SSBP2: variants seen among roughly 807,000 people sequenced by gnomAD.
The protein encoded by SSBP2 is single-stranded DNA-binding protein 2.
A neutral mutation model predicts 61.8 loss-of-function variants in SSBP2; 17 were observed. The ratio of observed to expected loss-of-function variants is 0.28; its 90% CI spans 0.19 to 0.41. SSBP2 has a LOEUF of 0.41. Ranked by LOEUF, SSBP2 falls within the 10% of genes least tolerant of loss-of-function variation. SSBP2 has a pLI of 1.00. For synonymous variants in SSBP2, 139 were observed against 141.3 expected (o/e 0.98, Z 0.12); for missense variants, 310 against 458.7 (o/e 0.68, Z 2.96).
intron 9 of SSBP2, among the ~76,000 whole-genome samples, chr5:81,463,021 C>T (rs1764648633): frequency 6.6e-6 from 1 of 151,720 alleles, no homozygotes; most frequent in Non-Finnish European, 1.5e-5. Flanking sequence ...AATTTAATTG[C>T]ATTAAATTAA....
At chr5:81,469,759 G>A (rs890677046) in intron 8 of SSBP2, among the ~76,000 whole-genome samples, 5 of 151,950 alleles carry the variant, frequency 3.3e-5, no homozygotes, top group Non-Finnish European at 7.4e-5. Context: ...TTTTCATTTA[G>A]TGAATAATCT....
chr5:81,599,464 T>C (rs78955147), intron 4 of SSBP2, among the ~76,000 whole-genome samples: 1,671 of 152,318 alleles, frequency 0.011, 41 homozygotes, highest in African/African-American at 0.038. Context: ...AGCCACAGAA[T>C]TCCTTGCAGC....
intron 1 of SSBP2, among the ~76,000 whole-genome samples, chr5:81,738,013 T>G (rs1472546600): frequency 6.6e-6 from 1 of 152,190 alleles, no homozygotes; most frequent in African/African-American, 2.4e-5. Flanking sequence ...CATCTCTGAT[T>G]TCCTCACACT....
chr5:81,583,160 T>G (rs1774789666), intron 4 of SSBP2, among the ~76,000 whole-genome samples: 1 of 152,082 alleles, frequency 6.6e-6, no homozygotes. Context: ...GAGGCTGCAG[T>G]GAGCTATGAT....
chr5:81,507,230 A>T (rs949986690), intron 5 of SSBP2, among the ~76,000 whole-genome samples: 13 of 152,304 alleles, frequency 8.5e-5, no homozygotes, highest in African/African-American at 3.1e-4. Flanking sequence ...CTGCTGTCAC[A>T]TATTTTCTAC....
chr5:81,438,584 G>A (rs1224219916), intron 14 of SSBP2, among the ~76,000 whole-genome samples: 1 of 151,978 alleles, frequency 6.6e-6, no homozygotes, highest in African/African-American at 2.4e-5. Flanking sequence ...AATACCGAAT[G>A]CATATATGCA....
chr5:81,682,727 C>T (rs73137639), intron 1 of SSBP2, among the ~76,000 whole-genome samples: 8,007 of 152,040 alleles, frequency 0.053, 420 homozygotes, highest in African/African-American at 0.13. Context: ...ATCAAACTGT[C>T]TTTGTTCACA....
intron 4 of SSBP2, among the ~76,000 whole-genome samples, chr5:81,556,200 A>T (rs1191515196): frequency 1.3e-5 from 2 of 152,128 alleles, no homozygotes; most frequent in African/African-American, 4.8e-5. Flanking sequence ...TTATATAGTG[A>T]CCTTTTCCTA....
At chr5:81,657,278 G>C (rs1298866520) in intron 1 of SSBP2, among the ~76,000 whole-genome samples, 2 of 152,026 alleles carry the variant, frequency 1.3e-5, no homozygotes, top group African/African-American at 4.8e-5. Flanking sequence ...TTATAATAAT[G>C]CCTGGGGCAA....
chr5:81,596,188 C>T (rs1227487849), intron 4 of SSBP2, among the ~76,000 whole-genome samples: 2 of 152,118 alleles, frequency 1.3e-5, no homozygotes, highest in African/African-American at 2.4e-5. Flanking sequence ...TTCTTATACA[C>T]CAGTAACAGA....
chr5:81,699,932 T>C (rs1259677644), intron 1 of SSBP2, among the ~76,000 whole-genome samples: 4 of 151,148 alleles, frequency 2.6e-5, no homozygotes, highest in African/African-American at 9.7e-5. Flanking sequence ...CAGGGTGTGC[T>C]TCAGCCTCAA....
chr5:81,472,039 A>G (rs747624005), intron 8 of SSBP2, among the ~76,000 whole-genome samples: 6 of 152,166 alleles, frequency 3.9e-5, no homozygotes, highest in Admixed American at 6.6e-5. Flanking sequence ...GTAGCACAAC[A>G]AAACATCAAT....
At chr5:81,442,817 CCTCT>C in intron 12 of SSBP2, 94 bp from the exon 13 acceptor site, 1 of 597,616 alleles carries the variant, frequency 1.7e-6, no homozygotes, top group South Asian at 2.7e-5. Context: ...CATACAGATA[CCTCT>C]CTCTATATAA....
intron 1 of SSBP2, among the ~76,000 whole-genome samples, chr5:81,707,200 G>C (rs956655526): frequency 6.6e-6 from 1 of 152,066 alleles, no homozygotes; most frequent in Non-Finnish European, 1.5e-5. Context: ...CTCCAGTAAG[G>C]CTTCATTTAC....
chr5:81,443,604 C>G (rs1271969534), intron 12 of SSBP2, among the ~76,000 whole-genome samples: 1 of 152,078 alleles, frequency 6.6e-6, no homozygotes, highest in Non-Finnish European at 1.5e-5. Context: ...GCTCTATCGC[C>G]CAGGCTGGAG....
chr5:81,737,013 A>C, intron 1 of SSBP2, among the ~76,000 whole-genome samples: 1 of 152,192 alleles, frequency 6.6e-6, no homozygotes, highest in East Asian at 1.9e-4. Context: ...AGTTTTTAAA[A>C]ATCAGTTGAC....
At chr5:81,682,638 G>A (rs532300694) in intron 1 of SSBP2, among the ~76,000 whole-genome samples, 8 of 152,188 alleles carry the variant, frequency 5.3e-5, no homozygotes, top group African/African-American at 1.9e-4. Flanking sequence ...TCTTACCACT[G>A]CTTTTTGGCA....
At chr5:81,744,390 A>C (rs758603137) in intron 1 of SSBP2, among the ~76,000 whole-genome samples, 24 of 152,312 alleles carry the variant, frequency 1.6e-4, no homozygotes, top group Non-Finnish European at 2.9e-4. Flanking sequence ...CACTAAAATA[A>C]ATCATATTAA....
At chr5:81,511,521 G>A (rs1352664439) in intron 5 of SSBP2, among the ~76,000 whole-genome samples, 1 of 152,080 alleles carries the variant, frequency 6.6e-6, no homozygotes, top group Non-Finnish European at 1.5e-5. Flanking sequence ...ACTACCTTCT[G>A]TATGTATTAC....
Sources: gnomAD v4.1 joint callset for allele counts (sites outside exome capture counted in the v4.1 genomes callset) on GRCh38, gnomAD v4.1.1 for gene constraint, MANE v1.5 for transcripts, NCBI Gene and HGNC (gene_info 2026-07-23, HGNC 2026-07-21) for gene names.